POLI: variants seen among roughly 807,000 people sequenced by gnomAD.
POLI encodes DNA polymerase iota, also known as RAD30 homolog B.
POLI carries 58 observed loss-of-function variants against 51.6 expected under a neutral mutation model. That is an observed-to-expected ratio of 1.12 (90% CI 0.91 to 1.40). The LOEUF is 1.40. Among genes scored for constraint, POLI ranks in the 40% most tolerant of loss-of-function variants. POLI has a pLI of 0.00. For missense variants in POLI, 921 were observed against 871.3 expected (o/e 1.06, Z -0.72); for synonymous variants, 322 against 299.7 (o/e 1.07, Z -0.77).
intron 2 of POLI, chr18:54,272,122 A>G (rs2087032095): frequency 6.6e-6 from 1 of 152,206 alleles, no homozygotes; most frequent in Non-Finnish European, 1.5e-5. Context: ...GTGTAAGCAT[A>G]AAGAACATTT....
chr18:54,286,993 A>C (rs3730767), intron 7 of POLI, among the ~76,000 whole-genome samples: 1 of 152,002 alleles, frequency 6.6e-6, no homozygotes, highest in Non-Finnish European at 1.5e-5. Flanking sequence ...TCTGTATTAT[A>C]AAACAGTTTG....
intron 8 of POLI, among the ~76,000 whole-genome samples, chr18:54,288,234 A>G (rs1028049012): frequency 6.6e-6 from 1 of 152,174 alleles, no homozygotes; most frequent in African/African-American, 2.4e-5. Context: ...CTAGCGGTAT[A>G]TAGTAGTGTG....
rs373777784 is a variant in POLI, at chr18:54,278,789, C to T, written c.559+934C>T. 9.8e-5 allele frequency among the ~76,000 whole-genome samples: 15 copies of T among 152,316 alleles called. No individual in the cohort carries two copies. In the East Asian group the frequency reaches 1.2e-3, roughly 12 times the overall value. On this transcript the variant is annotated intron_variant, in intron 4 of 9. Transcript: ENST00000579534. ...ATCTTATGACTCTGCTGGTGACTCC[C>T]CTATCATACCACATACAAGACAAGG...
intron 3 of POLI, chr18:54,311,155 A>G: frequency 1.0e-6 from 1 of 959,162 alleles, no homozygotes; most frequent in Non-Finnish European, 1.2e-6. Flanking sequence ...AAATCTGGAA[A>G]GCTGGAGAAG....
chr18:54,283,970 G>T lies in POLI; in HGVS notation c.1024G>T (p.Ala342Ser). ...SFKKCSSEVE[A>S]KNKIEELLAS... ...TAAAAAATGTTCATCTGAAGTTGAA[G>T]CTAAAAATAAGATTGAAGAACTACT... The change falls in exon 7 of 10, where the codon GCT becomes TCT. Residue 342 changes from alanine (A) to serine (S), a missense_variant. Physicochemically the swap from Ala to Ser is moderately conservative, Grantham distance 99. Coordinates refer to ENST00000579534, the MANE Select transcript of POLI (RefSeq NM_007195.3). 1 of 1,490,250 alleles carries T rather than the reference G, an allele frequency of 6.7e-7. No individual in the cohort carries two copies. The highest frequency in any genetic ancestry group is 9.3e-7 in the Non-Finnish European group (1 of 1,076,828). 92.3% of individuals were successfully genotyped at this position (1,490,250 alleles called of 1,614,324 possible).
chr18:54,293,606 A>T (rs1264959540), intron 9 of POLI, 43 bp from the exon 10 acceptor site: 1 of 1,320,238 alleles, frequency 7.6e-7, no homozygotes. Context: ...GATATTTAAA[A>T]GATATCAGAT....
intron 1 of POLI, chr18:54,270,216 A>G (rs552872344): frequency 7.4e-4 from 137 of 185,880 alleles, no homozygotes; most frequent in Non-Finnish European, 1.2e-3. Flanking sequence ...TTCATTCATT[A>G]ATTTAGAGAC....
rs991680630 is a variant in POLI, at chr18:54,296,928, A to G, written c.*2461A>G. ...TTATAAGTCTACATTTAAGGTTATTATTGCATATCATTGTGACTTATTTCC... is the reference window on the plus strand; with the variant it reads ...TTATAAGTCTACATTTAAGGTTATTGTTGCATATCATTGTGACTTATTTCC... On this transcript the variant is annotated 3_prime_UTR_variant, in exon 10 of 10. Transcript: ENST00000579534. 2.2e-5 allele frequency: 21 copies of G among 970,592 alleles called. No individual in the cohort carries two copies. Among genetic ancestry groups the G allele is most frequent in the South Asian group, 4.8e-5 (1 of 20,944 alleles). 60.1% of individuals were successfully genotyped at this position (970,592 alleles called of 1,614,324 possible).
intron 3 of POLI, among the ~76,000 whole-genome samples, chr18:54,307,943 T>G (rs538372571): frequency 2.4e-4 from 36 of 152,138 alleles, no homozygotes; most frequent in Non-Finnish European, 4.0e-4. Flanking sequence ...TGGTAGATTT[T>G]CCTCCATCCC....
Position 54,297,891 on chromosome 18 carries a change from TCA to T in POLI, c.*3425_*3426del, listed in dbSNP as rs1330093279. On this transcript the variant is annotated 3_prime_UTR_variant, in exon 10 of 10. Transcript: ENST00000579534. ...GGGGGCTTACCTTTTTTCTTGTGTGTCAGATGTTCCTTCTAGGTAGAATTCTT... is the reference window on the plus strand; with the variant it reads ...GGGGGCTTACCTTTTTTCTTGTGTGTGATGTTCCTTCTAGGTAGAATTCTT... The T allele has an allele frequency of 4.1e-6, 4 of 982,740 alleles. No individual in the cohort carries two copies. Among genetic ancestry groups the T allele is most frequent in the Non-Finnish European group, 4.8e-6 (4 of 827,590 alleles). 60.9% of individuals were successfully genotyped at this position (982,740 alleles called of 1,614,324 possible). A position where few individuals can be genotyped will look rare whatever the true frequency, so the allele number is the denominator to read the frequency against.
At chr18:54,314,726 C>G (rs1375172843) in intron 3 of POLI, among the ~76,000 whole-genome samples, 1 of 152,108 alleles carries the variant, frequency 6.6e-6, no homozygotes, top group Non-Finnish European at 1.5e-5. Flanking sequence ...TATTCATTTC[C>G]TCTAGATTTT....
intron 3 of POLI, among the ~76,000 whole-genome samples, chr18:54,309,917 T>G (rs1447496131): frequency 6.6e-6 from 1 of 152,206 alleles, no homozygotes; most frequent in Non-Finnish European, 1.5e-5. Context: ...AATCTCCTGG[T>G]GCGCCGTTTG....
chr18:54,294,757 T>A lies in POLI; in HGVS notation c.*290T>A. On this transcript the variant is annotated 3_prime_UTR_variant, in exon 10 of 10. Coordinates refer to ENST00000579534, the MANE Select transcript of POLI (RefSeq NM_007195.3). ...TATTTTTCATGAATTGGTGGGGAGA[T>A]GTATATGTTTATATATAAAAAATAG... The A allele has an allele frequency of 1.0e-6, 1 of 1,004,622 alleles. No individual in the cohort carries two copies. Among genetic ancestry groups the A allele is most frequent in the Non-Finnish European group, 1.2e-6 (1 of 836,014 alleles). The allele number at this position is 1,004,622 out of a possible 1,614,324, so 62.2% of individuals were successfully genotyped here.
rs1280002612 is a variant in POLI at position 54,296,547 on chromosome 18, A to C, written c.*2080A>C. On this transcript the variant is annotated 3_prime_UTR_variant, in exon 10 of 10. Coordinates refer to ENST00000579534, the MANE Select transcript of POLI (RefSeq NM_007195.3). ...TGTATCTTTTAATTCATGTTCTGTA[A>C]AATTCTCAACCACTAGCTCTTCAAA... is the stretch of plus-strand genomic sequence containing the variant. 4 of 195,912 alleles carry C rather than the reference A, an allele frequency of 2.0e-5. No homozygotes were observed. The highest frequency in any genetic ancestry group is 9.2e-6 in the Non-Finnish European group (1 of 108,214). The allele number at this position is 195,912 out of a possible 1,614,324, so 12.1% of individuals were successfully genotyped here.
Position 54,274,105 on chromosome 18 carries a change from C to G in POLI, c.406+15C>G. 2 of 1,327,042 alleles carry G rather than the reference C, an allele frequency of 1.5e-6. No individual in the cohort carries two copies. The highest frequency in any genetic ancestry group is 2.0e-6 in the Non-Finnish European group (2 of 1,016,762). The allele number at this position is 1,327,042 out of a possible 1,614,324, so 82.2% of individuals were successfully genotyped here. Reference sequence around the variant, plus strand: ...TAAGGTTACAGGTACAAATGATAAGCAATGTACTTTTAGCATTAATTTTTA... The same window carrying G: ...TAAGGTTACAGGTACAAATGATAAGGAATGTACTTTTAGCATTAATTTTTA... On this transcript the variant is annotated intron_variant, in intron 3 of 9. Transcript: ENST00000579534.
downstream of POLI, among the ~76,000 whole-genome samples, chr18:54,298,446 T>C (rs1163817558): frequency 6.6e-6 from 1 of 152,142 alleles, no homozygotes; most frequent in African/African-American, 2.4e-5. Context: ...TAGGGCCCAC[T>C]GTGGGTCACA....
In POLI at chr18:54,294,781, A is replaced by G; in HGVS notation, c.*314A>G. On this transcript the variant is annotated 3_prime_UTR_variant, in exon 10 of 10. Transcript: ENST00000579534. ...ATGTATATGTTTATATATAAAAAATAGCCAAATCGTTGCAATGATATGGTA... is the reference window on the plus strand; with the variant it reads ...ATGTATATGTTTATATATAAAAAATGGCCAAATCGTTGCAATGATATGGTA... 1.0e-6 allele frequency: 1 copy of G among 990,444 alleles called. No individual in the cohort carries two copies. The highest frequency in any genetic ancestry group is 1.2e-6 in the Non-Finnish European group (1 of 829,674). The allele number at this position is 990,444 out of a possible 1,614,324, so 61.4% of individuals were successfully genotyped here. A position where few individuals can be genotyped will look rare whatever the true frequency, so the allele number is the denominator to read the frequency against.
At chr18:54,271,108 C>A in intron 1 of POLI, 1 of 299,744 alleles carries the variant, frequency 3.3e-6, no homozygotes, top group Non-Finnish European at 6.1e-6. Flanking sequence ...TTATTTATCA[C>A]ATTTTTTCCC....
intron 2 of POLI, among the ~76,000 whole-genome samples, chr18:54,273,100 TA>T (rs916975690): frequency 9.9e-5 from 15 of 151,984 alleles, no homozygotes; most frequent in Admixed American, 5.2e-4. Flanking sequence ...TCAACTTGTA[TA>T]AAAAAAGAGC....
Sources: gnomAD v4.1 joint callset for allele counts (sites outside exome capture counted in the v4.1 genomes callset) on GRCh38, gnomAD v4.1.1 for gene constraint, MANE v1.5 for transcripts, NCBI Gene and HGNC (gene_info 2026-07-23, HGNC 2026-07-21) for gene names.